Variants in CDYL2 observed in about 807,000 individuals in gnomAD.
CDYL2 encodes the protein chromodomain Y like 2.
Under a neutral mutation model 49.4 loss-of-function variants are expected in CDYL2, and 23 were observed. The ratio of observed to expected loss-of-function variants is 0.47; its 90% confidence interval spans 0.34 to 0.66. The LOEUF (loss-of-function observed/expected upper bound fraction) is 0.66. Ranked by LOEUF, CDYL2 falls within the 30% of genes least tolerant of loss-of-function variation. The pLI is 0.01. For missense variants in CDYL2, 678 were observed against 656.4 expected (o/e 1.03, Z -0.36); for synonymous variants, 360 against 268.8 (o/e 1.34, Z -3.32).
chr16:80,757,353 A>G (rs1906345994), intron 1 of CDYL2, among the ~76,000 whole-genome samples: 1 of 152,056 alleles, frequency 6.6e-6, no homozygotes, highest in South Asian at 2.1e-4. Flanking sequence ...CAGCCTGGGC[A>G]ACATAGCAAG....
At position 80,773,687 on chromosome 16, in the gene CDYL2, G is replaced by A. The variant is rs190482302; in HGVS notation, c.24+30463C>T. Among the ~76,000 whole-genome samples, 15 of 151,966 alleles carry A rather than the reference G, an allele frequency of 9.9e-5. No individual in the cohort carries two copies. In the East Asian group the frequency reaches 2.5e-3, roughly 25 times the overall value. On this transcript the variant is annotated intron_variant, in intron 1 of 6. Coordinates refer to ENST00000570137, the MANE Select transcript of CDYL2 (RefSeq NM_152342.4). Reference sequence around the variant, plus strand: ...CATGTTTGAAAATTAAGAAATATACGTCGAAACAAAAATGGAAACTAGAAG... The same window carrying A: ...CATGTTTGAAAATTAAGAAATATACATCGAAACAAAAATGGAAACTAGAAG...
chr16:80,759,960 T>A (rs1472723074), intron 1 of CDYL2, among the ~76,000 whole-genome samples: 1 of 152,226 alleles, frequency 6.6e-6, no homozygotes, highest in Non-Finnish European at 1.5e-5. Flanking sequence ...TAGAAATTAC[T>A]GTCTCAGGGT....
intron 1 of CDYL2, among the ~76,000 whole-genome samples, chr16:80,704,081 CTGTT>C (rs2142504183): frequency 6.6e-6 from 1 of 152,286 alleles, no homozygotes; most frequent in South Asian, 2.1e-4. Flanking sequence ...AGCAAAATGT[CTGTT>C]TGTCCTAGGA....
intron 2 of CDYL2, among the ~76,000 whole-genome samples, chr16:80,665,014 C>A (rs1053524474): frequency 6.6e-6 from 1 of 152,170 alleles, no homozygotes; most frequent in African/African-American, 2.4e-5. Flanking sequence ...TTGCCTTACT[C>A]ATCATACCCC....
chr16:80,604,574 G>C, intron 6 of CDYL2, 28 bp from the exon 7 acceptor site: 1 of 1,613,330 alleles, frequency 6.2e-7, no homozygotes, highest in Non-Finnish European at 8.5e-7. Context: ...GGCCTGATTA[G>C]CCGGGCACCA....
At chr16:80,700,711 C>T (rs1241140891) in intron 1 of CDYL2, among the ~76,000 whole-genome samples, 1 of 152,182 alleles carries the variant, frequency 6.6e-6, no homozygotes, top group Non-Finnish European at 1.5e-5. Context: ...AATGGATATA[C>T]CCTTTAGGGA....
At chr16:80,676,961 GTATTTTTT>G (rs1180117739) in intron 2 of CDYL2, among the ~76,000 whole-genome samples, 2 of 110,518 alleles carry the variant, frequency 1.8e-5, no homozygotes, top group Non-Finnish European at 3.7e-5. Flanking sequence ...CCAATTCAAT[GTATTTTTT>G]TTTTTTTTTT....
Position 80,756,104 on chromosome 16 carries a change from T to C in CDYL2, c.24+48046A>G, listed in dbSNP as rs544724043. ...ATCATAAGAAAATTATTAAATGATG[T>C]TGTCATTAAATAAGAAAGGATAAAA... On this transcript the variant is annotated intron_variant, in intron 1 of 6. Coordinates refer to ENST00000570137, the MANE Select transcript of CDYL2 (RefSeq NM_152342.4). 3.9e-5 allele frequency among the ~76,000 whole-genome samples: 6 copies of C among 152,260 alleles called. No homozygotes were observed. In the East Asian group the frequency reaches 1.2e-3, roughly 29 times the overall value.
intron 1 of CDYL2, among the ~76,000 whole-genome samples, chr16:80,793,888 C>T (rs1035412598): frequency 6.6e-6 from 1 of 152,184 alleles, no homozygotes; most frequent in Non-Finnish European, 1.5e-5. Flanking sequence ...AAGATGTCAG[C>T]TGCCTTCCCG....
At chr16:80,763,493 T>A (rs1906609441) in intron 1 of CDYL2, among the ~76,000 whole-genome samples, 1 of 151,382 alleles carries the variant, frequency 6.6e-6, no homozygotes. Context: ...GCACCTGTAA[T>A]CCCAGCAGCT....
At chr16:80,651,592 A>C (rs973309599) in intron 2 of CDYL2, among the ~76,000 whole-genome samples, 1 of 152,244 alleles carries the variant, frequency 6.6e-6, no homozygotes, top group Non-Finnish European at 1.5e-5. Flanking sequence ...AAAGCATGCC[A>C]ATTTAAAAAT....
chr16:80,613,143 G>A (rs984187957), intron 4 of CDYL2, among the ~76,000 whole-genome samples: 1 of 151,910 alleles, frequency 6.6e-6, no homozygotes, highest in Non-Finnish European at 1.5e-5. Flanking sequence ...AAGTTATATG[G>A]GCACCCTAGA....
At chr16:80,733,143 G>C (rs534291732) in intron 1 of CDYL2, among the ~76,000 whole-genome samples, 2 of 152,298 alleles carry the variant, frequency 1.3e-5, no homozygotes, top group South Asian at 2.1e-4. Flanking sequence ...TTGTGGGCAA[G>C]GTTGAGGCAG....
At chr16:80,795,263 T>C (rs1907736376) in intron 1 of CDYL2, among the ~76,000 whole-genome samples, 1 of 152,196 alleles carries the variant, frequency 6.6e-6, no homozygotes, top group Non-Finnish European at 1.5e-5. Context: ...CAAGTCTCCA[T>C]GTTGAAACTT....
chr16:80,720,416 AG>A (rs1245608761), intron 1 of CDYL2, among the ~76,000 whole-genome samples: 1 of 152,204 alleles, frequency 6.6e-6, no homozygotes, highest in African/African-American at 2.4e-5. Flanking sequence ...GACCAGGTAG[AG>A]CAAAAACAAC....
At chr16:80,757,553 A>AATAT (rs1555535735) in intron 1 of CDYL2, among the ~76,000 whole-genome samples, 37 of 143,852 alleles carry the variant, frequency 2.6e-4, no homozygotes, top group African/African-American at 5.3e-4. Flanking sequence ...AAAAAAAAAA[A>AATAT]ATATATATAT....
chr16:80,604,366 G>C lies in CDYL2; in HGVS notation c.*22C>G, dbSNP rs1231149417. On this transcript the variant is annotated 3_prime_UTR_variant, in exon 7 of 7. Transcript: ENST00000570137. ...AAACACAGGGCAGAGCTGGAAGTTG[G>C]GGGCCCGTGAGCTGGGGCCCCTCAG... 4 of 1,613,288 alleles carry C rather than the reference G, an allele frequency of 2.5e-6. No homozygotes were observed. The highest frequency in any genetic ancestry group is 2.5e-6 in the Non-Finnish European group (3 of 1,179,774).
intron 4 of CDYL2, among the ~76,000 whole-genome samples, chr16:80,617,663 C>A (rs1906891819): frequency 6.6e-6 from 1 of 152,114 alleles, no homozygotes; most frequent in Non-Finnish European, 1.5e-5. Context: ...CTCTTTCTAA[C>A]CCCGGGAGCA....
At chr16:80,768,132 C>G (rs900806423) in intron 1 of CDYL2, among the ~76,000 whole-genome samples, 2 of 152,208 alleles carry the variant, frequency 1.3e-5, no homozygotes, top group African/African-American at 4.8e-5. Context: ...TGAACCCTAG[C>G]CTGATGACTT....
Sources: allele counts gnomAD v4.1 joint callset (sites outside exome capture counted in the v4.1 genomes callset), GRCh38; gene constraint gnomAD v4.1.1; transcripts MANE v1.5; gene names NCBI Gene and HGNC (gene_info 2026-07-23, HGNC 2026-07-21).